The following MAML3 variants were observed in gnomAD, a reference collection of about 807,000 sequenced individuals.
The protein encoded by MAML3 is mastermind-like protein 3.
A neutral mutation model predicts 101.9 loss-of-function variants in MAML3; 27 were observed. That is an observed-to-expected ratio of 0.27 (90% CI 0.20 to 0.37). The LOEUF is 0.37. MAML3 is among the 10% of genes least tolerant of loss of function. MAML3 has a pLI of 1.00. For synonymous variants in MAML3, 501 were observed against 555.9 expected (o/e 0.90, Z 1.39); for missense variants, 1,316 against 1,444.9 (o/e 0.91, Z 1.45).
intron 1 of MAML3, among the ~76,000 whole-genome samples, chr4:140,109,961 A>T (rs972621237): frequency 6.6e-6 from 1 of 152,236 alleles, no homozygotes; most frequent in Non-Finnish European, 1.5e-5. Context: ...AATGCTCTTC[A>T]AAATTATTTT....
intron 1 of MAML3, among the ~76,000 whole-genome samples, chr4:140,054,109 C>T (rs1180641929): frequency 2.6e-5 from 4 of 152,162 alleles, no homozygotes; most frequent in Non-Finnish European, 5.9e-5. Flanking sequence ...GTGGCTCACG[C>T]CTGTAATCCC....
At chr4:140,009,117 T>G (rs1726505570) in intron 1 of MAML3, among the ~76,000 whole-genome samples, 1 of 152,230 alleles carries the variant, frequency 6.6e-6, no homozygotes, top group African/African-American at 2.4e-5. Flanking sequence ...TCTGCACTAC[T>G]GTACACATGC....
At chr4:140,099,518 G>A (rs1728219306) in intron 1 of MAML3, among the ~76,000 whole-genome samples, 1 of 152,106 alleles carries the variant, frequency 6.6e-6, no homozygotes, top group African/African-American at 2.4e-5. Flanking sequence ...CCCGCCTGGA[G>A]TTATTTTCAG....
chr4:139,999,674 C>T (rs1410457994), intron 1 of MAML3, among the ~76,000 whole-genome samples: 1 of 152,162 alleles, frequency 6.6e-6, no homozygotes, highest in Middle Eastern at 3.2e-3. Context: ...TATTGACATC[C>T]CATCCAATAT....
intron 2 of MAML3, among the ~76,000 whole-genome samples, chr4:139,837,781 A>G (rs1363222655): frequency 6.6e-6 from 1 of 151,178 alleles, no homozygotes; most frequent in Non-Finnish European, 1.5e-5. Context: ...TTAGCTGGGC[A>G]TGGTGGCGCA....
chr4:140,065,211 A>G (rs1727514354), intron 1 of MAML3, among the ~76,000 whole-genome samples: 1 of 152,184 alleles, frequency 6.6e-6, no homozygotes, highest in African/African-American at 2.4e-5. Context: ...GTGTGAAGTT[A>G]CATATAGTGA....
intron 2 of MAML3, among the ~76,000 whole-genome samples, chr4:139,835,096 C>T (rs60891809): frequency 0.026 from 4,012 of 152,324 alleles, 164 homozygotes; most frequent in African/African-American, 0.088. Context: ...GATGTGTGTT[C>T]TTGCATAGTG....
Position 139,990,955 on chromosome 4 carries a change from A to C in MAML3, c.469-99988T>G, listed in dbSNP as rs373270943. On this transcript the variant is annotated intron_variant, in intron 1 of 4. Transcript: ENST00000509479. ...TGCTCATGGGTAGGAGGAATCAATAACACGAAAATGGTCATACTGCCCAAG... is the reference window on the plus strand; with the variant it reads ...TGCTCATGGGTAGGAGGAATCAATACCACGAAAATGGTCATACTGCCCAAG... Among the ~76,000 whole-genome samples, 45 of 152,318 alleles carry C rather than the reference A, an allele frequency of 3.0e-4. No individual in the cohort carries two copies. In the East Asian group the frequency reaches 5.0e-3, roughly 17 times the overall value.
chr4:140,104,388 T>TA (rs1408574641), intron 1 of MAML3, among the ~76,000 whole-genome samples: 2 of 42,110 alleles, frequency 4.7e-5, no homozygotes, highest in Admixed American at 3.0e-4. Flanking sequence ...TATATATATA[T>TA]TATATATTAT....
intron 2 of MAML3, among the ~76,000 whole-genome samples, chr4:139,865,485 G>GTTTTTTTTTGTTT (rs1560818358): frequency 5.6e-5 from 5 of 90,058 alleles, no homozygotes; most frequent in African/African-American, 3.7e-4. Flanking sequence ...TCTGTAAAAG[G>GTTTTTTTTTGTTT]TTTTTTTTTT....
intron 1 of MAML3, among the ~76,000 whole-genome samples, chr4:140,082,998 C>G (rs1446967738): frequency 2.0e-5 from 3 of 152,168 alleles, no homozygotes; most frequent in Non-Finnish European, 4.4e-5. Flanking sequence ...TTTTTGAAAA[C>G]AATCGTCTGA....
rs776961914 is a variant in MAML3, at chr4:139,719,761, C to T, written c.2979G>A (p.Gly993=). 1.2e-6 allele frequency: 2 copies of T among 1,613,690 alleles called. No homozygotes were observed. Among genetic ancestry groups the T allele is most frequent in the South Asian group, 2.2e-5 (2 of 91,080 alleles). The change falls in exon 5 of 5, where the codon GGG becomes GGA. Residue 993 remains glycine, a synonymous_variant. Coordinates refer to ENST00000509479, the MANE Select transcript of MAML3 (RefSeq NM_018717.5). ...AGTGCTGCTTGGTCAGTCTCGGCTG[C>T]CCAGCTTGAAGAGGGTAGCTGGCGC... The part of the protein sequence containing the change: ...NNGASYPLQA[G]QPRLTKQHFP...
chr4:140,015,125 A>T (rs888387049), intron 1 of MAML3, among the ~76,000 whole-genome samples: 3 of 152,228 alleles, frequency 2.0e-5, no homozygotes, highest in Non-Finnish European at 1.5e-5. Context: ...TGAAATATAT[A>T]TTCCCTGTAA....
chr4:139,798,909 T>C (rs772268948), intron 2 of MAML3, among the ~76,000 whole-genome samples: 61 of 152,262 alleles, frequency 4.0e-4, no homozygotes, highest in Non-Finnish European at 7.3e-4. Flanking sequence ...TTTCATGGCC[T>C]TTTCCCATTA....
intron 1 of MAML3, among the ~76,000 whole-genome samples, chr4:140,127,582 G>A (rs1230212261): frequency 6.6e-6 from 1 of 152,152 alleles, no homozygotes; most frequent in East Asian, 1.9e-4. Flanking sequence ...TACTTTTTTG[G>A]AGAAAACATG....
At chr4:139,764,095 GC>G (rs1489809139) in intron 2 of MAML3, among the ~76,000 whole-genome samples, 1 of 152,130 alleles carries the variant, frequency 6.6e-6, no homozygotes, top group Non-Finnish European at 1.5e-5. Flanking sequence ...GCTTTCTTAA[GC>G]TGAGCAAACT....
chr4:140,063,776 T>C (rs1261471891), intron 1 of MAML3, among the ~76,000 whole-genome samples: 2 of 148,576 alleles, frequency 1.3e-5, no homozygotes, highest in Non-Finnish European at 3.0e-5. Context: ...CTTTGTTTAT[T>C]TGTTTGCTTG....
At chr4:140,134,632 C>T (rs1222114939) in intron 1 of MAML3, 6 of 283,132 alleles carry the variant, frequency 2.1e-5, no homozygotes, top group South Asian at 3.5e-5. Context: ...CATATACATA[C>T]ATGTGTATTT....
chr4:140,067,726 CTTTT>C (rs34853196), intron 1 of MAML3, among the ~76,000 whole-genome samples: 3 of 131,376 alleles, frequency 2.3e-5, no homozygotes, highest in African/African-American at 2.9e-5. Context: ...CAATCTTAAT[CTTTT>C]TTTTTTTTTT....
Sources: allele counts gnomAD v4.1 joint callset (sites outside exome capture counted in the v4.1 genomes callset), GRCh38; gene constraint gnomAD v4.1.1; transcripts MANE v1.5; gene names NCBI Gene and HGNC (gene_info 2026-07-23, HGNC 2026-07-21).